TNN: variants seen among roughly 807,000 people sequenced by gnomAD.
TNN encodes the protein tenascin N, also known as tenascin-N.
Under a neutral mutation model 134.4 loss-of-function variants are expected in TNN, and 122 were observed. The ratio of observed to expected loss-of-function variants is 0.91; its 90% confidence interval spans 0.78 to 1.06. TNN has a LOEUF of 1.06. Ranked by LOEUF, TNN falls within the 50% of genes least tolerant of loss-of-function variation. The pLI is 0.00. For synonymous variants in TNN, 710 were observed against 670.3 expected (o/e 1.06, Z -0.91); for missense variants, 1,739 against 1,699.4 (o/e 1.02, Z -0.41).
At chr1:175,118,924 G>A (rs1675267403) in intron 11 of TNN, 100 bp downstream of exon 11, 1 of 1,463,212 alleles carries the variant, frequency 6.8e-7, no homozygotes, top group Non-Finnish European at 9.3e-7. Flanking sequence ...TGTAACCTCA[G>A]GGCTGCAGAC....
intron 16 of TNN, 74 bp from the exon 17 acceptor site, chr1:175,136,747 T>TCAGACACA: frequency 6.9e-7 from 1 of 1,443,308 alleles, no homozygotes; most frequent in East Asian, 2.3e-5. Flanking sequence ...TCTGAAAGCC[T>TCAGACACA]CAGACACACA....
chr1:175,136,872 T>A lies in TNN; in HGVS notation c.3479T>A (p.Val1160Glu), dbSNP rs1675825095. 6.2e-7 allele frequency: 1 copy of A among 1,613,944 alleles called. No homozygotes were observed. The highest frequency in any genetic ancestry group is 1.7e-5 in the Admixed American group (1 of 59,986). The part of the protein sequence containing the change: ...LTTGTPARYE[V>E]RVDLQTANES... Reference sequence around the variant, plus strand: ...ACCGGCACTCCAGCGCGGTATGAGGTGAGAGTGGATTTACAGACTGCCAAT... The same window carrying A: ...ACCGGCACTCCAGCGCGGTATGAGGAGAGAGTGGATTTACAGACTGCCAAT... The change falls in exon 17 of 19, where the codon GTG (valine) becomes GAG (glutamate). Residue 1160 changes from valine to glutamate, a missense_variant. By Grantham distance (121) the Val-to-Glu change is moderately radical. Transcript: ENST00000239462.
intron 1 of TNN, among the ~76,000 whole-genome samples, chr1:175,069,383 C>A (rs1412736823): frequency 6.6e-6 from 1 of 152,190 alleles, no homozygotes; most frequent in East Asian, 1.9e-4. Flanking sequence ...TTCTTTCATA[C>A]AACTCTAAGT....
chr1:175,069,422 A>C (rs1246691805), intron 1 of TNN, among the ~76,000 whole-genome samples: 1 of 152,234 alleles, frequency 6.6e-6, no homozygotes, highest in Admixed American at 6.5e-5. Context: ...TATAGGCTGC[A>C]GCTGACTCCC....
Position 175,123,616 on chromosome 1 carries a change from AG to A in TNN, c.2868del (p.Lys957ArgfsTer28). 1 of 1,614,192 alleles carries A rather than the reference AG, an allele frequency of 6.2e-7. No homozygotes were observed. The highest frequency in any genetic ancestry group is 8.5e-7 in the Non-Finnish European group (1 of 1,180,034). On this transcript the variant is annotated frameshift_variant, in exon 12 of 19. Coordinates refer to ENST00000239462, the MANE Select transcript of TNN (RefSeq NM_022093.2). LOFTEE classifies it high-confidence loss of function. ...GAGTACATGGTGCACGTGTGGGCCC[AG>A]AAGGGGGCCCAGGAGAGCAAGAAGG... ...GMEYMVHVWA[Q>X]KGAQESKKAD...
At chr1:175,139,560 C>T (rs543429818) in intron 17 of TNN, among the ~76,000 whole-genome samples, 71 of 152,286 alleles carry the variant, frequency 4.7e-4, no homozygotes, top group Admixed American at 1.7e-3. Flanking sequence ...CCTGTGATAA[C>T]AATGCCTTCT....
intron 18 of TNN, 136 bp downstream of exon 18, chr1:175,144,686 G>A (rs770994579): frequency 9.2e-6 from 9 of 974,430 alleles, no homozygotes; most frequent in Non-Finnish European, 1.3e-5. Flanking sequence ...TCTCCTCCAG[G>A]CTCCATGGCC....
rs147999369 is a variant in TNN, at chr1:175,123,495, A to G, written c.2746A>G (p.Met916Val). ...DPVQATIDKY[M>V]VRYTSADGET... ...GGTTCAGGCCACCATTGACAAGTAC[A>G]TGGTGCGCTACACCTCTGCTGACGG... is the stretch of plus-strand genomic sequence containing the variant. The change falls in exon 12 of 19, where the codon ATG becomes GTG. Residue 916 changes from methionine (M) to valine (V), a missense_variant. By Grantham distance (21) the Met-to-Val change is conservative. Coordinates refer to ENST00000239462, the MANE Select transcript of TNN (RefSeq NM_022093.2). 3.7e-6 allele frequency: 6 copies of G among 1,614,220 alleles called. No homozygotes were observed. The highest frequency in any genetic ancestry group is 4.2e-6 in the Non-Finnish European group (5 of 1,180,044).
intron 16 of TNN, 37 bp from the exon 17 acceptor site, chr1:175,136,784 G>T: frequency 2.5e-6 from 4 of 1,601,424 alleles, no homozygotes; most frequent in Non-Finnish European, 3.4e-6. Context: ...GCACACATGG[G>T]TTGATTGATT....
chr1:175,135,961 G>A lies in TNN; in HGVS notation c.3427+20G>A, dbSNP rs774841460. On this transcript the variant is annotated intron_variant, in intron 16 of 18. Transcript: ENST00000239462. ...GGCTTGGTATGATCTCAGAATCCAG[G>A]AGGCTGGGGCTGTGGGGGGTGATTT... The A allele has an allele frequency of 4.5e-6, 7 of 1,573,020 alleles. No individual in the cohort carries two copies. Among genetic ancestry groups the A allele is most frequent in the Non-Finnish European group, 6.1e-6 (7 of 1,143,654 alleles).
At position 175,127,044 on chromosome 1, in the gene TNN, G is replaced by A. The variant is rs1350766337; in HGVS notation, c.3004G>A (p.Gly1002Ser). The change falls in exon 13 of 19, where the codon GGC (glycine) becomes AGC (serine). Residue 1002 changes from glycine (G) to serine (S), a missense_variant. Physicochemically the swap from Gly to Ser is moderately conservative, Grantham distance 56. Coordinates refer to ENST00000239462, the MANE Select transcript of TNN (RefSeq NM_022093.2). ...TWTPPSAQIHGYILTYQFPDG... is the reference protein window; with the variant it reads ...TWTPPSAQIHSYILTYQFPDG... ...GACGCCCCCCTCTGCTCAGATCCAC[G>A]GCTACATTCTGACTTACCAGTTCCC... 36 of 1,613,934 alleles carry A rather than the reference G, an allele frequency of 2.2e-5. No individual in the cohort carries two copies. Among genetic ancestry groups the A allele is most frequent in the East Asian group, 4.5e-5 (2 of 44,888 alleles).
chr1:175,100,547 T>C (rs961237635), intron 9 of TNN, among the ~76,000 whole-genome samples: 3 of 152,234 alleles, frequency 2.0e-5, no homozygotes, highest in Non-Finnish European at 2.9e-5. Flanking sequence ...AAACTGTTGT[T>C]GATCTTGCCT....
intron 18 of TNN, among the ~76,000 whole-genome samples, chr1:175,146,387 G>A (rs1676068834): frequency 6.6e-6 from 1 of 152,168 alleles, no homozygotes; most frequent in African/African-American, 2.4e-5. Context: ...AGGTTGCAGG[G>A]TTATTAAGTG....
chr1:175,144,697 T>A, intron 18 of TNN, 147 bp downstream of exon 18: 3 of 894,380 alleles, frequency 3.4e-6, no homozygotes, highest in Non-Finnish European at 5.0e-6. Context: ...CTCCATGGCC[T>A]TGAGGTCGTG....
At chr1:175,122,022 G>T (rs951844609) in intron 11 of TNN, among the ~76,000 whole-genome samples, 1 of 152,140 alleles carries the variant, frequency 6.6e-6, no homozygotes, top group African/African-American at 2.4e-5. Context: ...ATTGTGGAGC[G>T]ATTAGCATCC....
At position 175,109,072 on chromosome 1, in the gene TNN, A is replaced by ATTTT. The variant is rs1160268455; in HGVS notation, c.2120-7843_2120-7840dup. On this transcript the variant is annotated intron_variant, in intron 9 of 18. Coordinates refer to ENST00000239462, the MANE Select transcript of TNN (RefSeq NM_022093.2). ...GAATGTATTTCTTCTATCTAACTGT[A>ATTTT]TTTTTTTTTTTTTTTTTTTTTTTTT... is the stretch of plus-strand genomic sequence containing the variant. Among the ~76,000 whole-genome samples, 72 of 61,978 alleles carry ATTTT rather than the reference A, an allele frequency of 1.2e-3. 12 individuals are homozygous for ATTTT. Among genetic ancestry groups the ATTTT allele is most frequent in the African/African-American group, 1.5e-3 (23 of 14,918 alleles). The allele number at this position is 61,978 out of a possible 152,430, so 40.7% of individuals were successfully genotyped here. A position where few individuals can be genotyped will look rare whatever the true frequency, so the allele number is the denominator to read the frequency against.
At chr1:175,081,795 T>C (rs1391176731) in intron 4 of TNN, among the ~76,000 whole-genome samples, 1 of 152,290 alleles carries the variant, frequency 6.6e-6, no homozygotes, top group African/African-American at 2.4e-5. Context: ...TTAGAGAATC[T>C]GGGCCTGTGT....
intron 9 of TNN, among the ~76,000 whole-genome samples, chr1:175,109,711 T>TAC (rs1674972308): frequency 6.7e-6 from 1 of 149,506 alleles, no homozygotes; most frequent in African/African-American, 2.4e-5. Flanking sequence ...ATTATATATA[T>TAC]ACACACATAC....
intron 9 of TNN, among the ~76,000 whole-genome samples, chr1:175,109,824 A>G (rs1674975831): frequency 6.6e-6 from 1 of 152,072 alleles, no homozygotes; most frequent in Non-Finnish European, 1.5e-5. Context: ...ATGGGCATGC[A>G]GCTATCTCTT....
Sources: gnomAD v4.1 joint callset for allele counts (sites outside exome capture counted in the v4.1 genomes callset) on GRCh38, gnomAD v4.1.1 for gene constraint, MANE v1.5 for transcripts, NCBI Gene and HGNC (gene_info 2026-07-23, HGNC 2026-07-21) for gene names.